Variants in SVEP1 observed in about 807,000 individuals in gnomAD.
SVEP1 encodes the protein sushi, von Willebrand factor type A, EGF and pentraxin domain-containing protein 1.
Under a neutral mutation model 367.3 loss-of-function variants are expected in SVEP1, and 164 were observed. The observed-to-expected ratio is 0.45, with a 90% CI of 0.39 to 0.51. The LOEUF (loss-of-function observed/expected upper bound fraction) is 0.51, where lower values mean the gene tolerates loss of function less well. Among genes scored for constraint, SVEP1 ranks in the 20% least tolerant of loss-of-function variants. SVEP1 has a pLI of 0.00. For missense variants in SVEP1, 4,117 were observed against 4,425.3 expected (o/e 0.93, Z 1.98); for synonymous variants, 1,666 against 1,611.6 (o/e 1.03, Z -0.81).
At chr9:110,504,236 T>A in intron 5 of SVEP1, among the ~76,000 whole-genome samples, 1 of 151,424 alleles carries the variant, frequency 6.6e-6, no homozygotes, top group South Asian at 2.1e-4. Flanking sequence ...TTTTTTGAAT[T>A]TTTTTATTAG....
At chr9:110,525,795 T>C (rs575919928) in intron 3 of SVEP1, among the ~76,000 whole-genome samples, 11 of 152,220 alleles carry the variant, frequency 7.2e-5, no homozygotes, top group African/African-American at 2.6e-4. Context: ...AAAAAAATTA[T>C]ACTTTAAGTT....
At chr9:110,497,255 C>G (rs1829465037) in intron 7 of SVEP1, among the ~76,000 whole-genome samples, 1 of 152,124 alleles carries the variant, frequency 6.6e-6, no homozygotes, top group Non-Finnish European at 1.5e-5. Flanking sequence ...CTTTTATTTG[C>G]CTGAATTAGT....
At chr9:110,528,037 C>G (rs1274770733) in intron 3 of SVEP1, among the ~76,000 whole-genome samples, 3 of 150,190 alleles carry the variant, frequency 2.0e-5, no homozygotes, top group Non-Finnish European at 4.4e-5. Flanking sequence ...GACATTATTT[C>G]ATTCATTTTA....
chr9:110,535,988 C>T (rs933314133), intron 3 of SVEP1, among the ~76,000 whole-genome samples: 1 of 152,042 alleles, frequency 6.6e-6, no homozygotes, highest in Non-Finnish European at 1.5e-5. Flanking sequence ...CTGGCCAGGA[C>T]TTCCAATACT....
Position 110,465,848 on chromosome 9 carries a change from T to C in SVEP1, c.3322+17A>G. 6.2e-7 allele frequency: 1 copy of C among 1,609,314 alleles called. No individual in the cohort carries two copies. The highest frequency in any genetic ancestry group is 8.5e-7 in the Non-Finnish European group (1 of 1,177,338). Reference sequence around the variant, plus strand: ...TAGTAGGTTTAAAGAAATATCAATGTCTAAGGCTTTGATAACCTCCACATG... The same window carrying C: ...TAGTAGGTTTAAAGAAATATCAATGCCTAAGGCTTTGATAACCTCCACATG... On this transcript the variant is annotated intron_variant, in intron 18 of 47. Coordinates refer to ENST00000374469, the MANE Select transcript of SVEP1 (RefSeq NM_153366.4).
At chr9:110,513,813 C>A in intron 4 of SVEP1, 135 bp downstream of exon 4, 1 of 1,048,438 alleles carries the variant, frequency 9.5e-7, no homozygotes, top group East Asian at 2.6e-5. Context: ...CAAATCATCC[C>A]ACTCCCCCAA....
chr9:110,397,820 C>T (rs1287495716), intron 40 of SVEP1, among the ~76,000 whole-genome samples: 3 of 152,008 alleles, frequency 2.0e-5, no homozygotes, highest in African/African-American at 7.3e-5. Flanking sequence ...GAACTACAAA[C>T]CACTGCTCAA....
chr9:110,485,657 G>A (rs1006188266), intron 9 of SVEP1, among the ~76,000 whole-genome samples: 2 of 152,114 alleles, frequency 1.3e-5, no homozygotes, highest in Admixed American at 1.3e-4. Context: ...TACATCTGAA[G>A]TGTTCTTATT....
At chr9:110,418,878 G>A (rs1435881948) in intron 36 of SVEP1, among the ~76,000 whole-genome samples, 1 of 119,942 alleles carries the variant, frequency 8.3e-6, no homozygotes, top group Non-Finnish European at 1.9e-5. Flanking sequence ...CTTCATAAGT[G>A]AAGGAGAAAT....
chr9:110,393,156 A>G (rs1239834182), intron 40 of SVEP1, among the ~76,000 whole-genome samples: 1 of 152,198 alleles, frequency 6.6e-6, no homozygotes, highest in African/African-American at 2.4e-5. Flanking sequence ...ACATTTGTTC[A>G]TAATTTTATA....
rs769921123 is a variant in SVEP1, at chr9:110,407,750, G to A, written c.7850C>T (p.Pro2617Leu). 6.2e-7 allele frequency: 1 copy of A among 1,613,978 alleles called. No individual in the cohort carries two copies. Among genetic ancestry groups the A allele is most frequent in the Non-Finnish European group, 8.5e-7 (1 of 1,179,888 alleles). The change falls in exon 38 of 48, where the codon CCT becomes CTT. Residue 2617 changes from proline to leucine, a missense_variant. By Grantham distance (98) the Pro-to-Leu change is moderately conservative (BLOSUM62 -3). This residue lies in a region of SVEP1 where 1,765 missense variants were observed against 1,781.1 expected (regional missense o/e 0.99). Coordinates refer to ENST00000374469, the MANE Select transcript of SVEP1 (RefSeq NM_153366.4). ...TCMPIDCGLP[P>L]HIDFGDCTKL... ...AGTACAGTCTCCAAAATCTATATGA[G>A]GAGGGAGGCCACAGTCTATTGGCAT...
At chr9:110,372,033 G>C (rs1034424263) in intron 46 of SVEP1, among the ~76,000 whole-genome samples, 2 of 152,138 alleles carry the variant, frequency 1.3e-5, no homozygotes, top group Non-Finnish European at 2.9e-5. Flanking sequence ...TGTGTTTCCT[G>C]ATCGGATGCT....
intron 40 of SVEP1, among the ~76,000 whole-genome samples, chr9:110,396,291 T>G (rs1325257248): frequency 1.3e-5 from 2 of 151,380 alleles, no homozygotes; most frequent in Non-Finnish European, 3.0e-5. Context: ...AGATGTTCTT[T>G]GAAACCAATG....
chr9:110,523,777 G>A (rs1334984342), intron 3 of SVEP1, among the ~76,000 whole-genome samples: 1 of 151,870 alleles, frequency 6.6e-6, no homozygotes, highest in Non-Finnish European at 1.5e-5. Context: ...GATAATCTAA[G>A]TTCCCACCTG....
chr9:110,424,770 G>A (rs1828227212), intron 36 of SVEP1, among the ~76,000 whole-genome samples: 2 of 152,158 alleles, frequency 1.3e-5, no homozygotes, highest in Admixed American at 1.3e-4. Context: ...CGCCTCTGAG[G>A]TTCAAGCAAG....
intron 35 of SVEP1, 76 bp downstream of exon 35, chr9:110,429,067 T>C (rs1019065017): frequency 4.0e-6 from 5 of 1,265,792 alleles, no homozygotes; most frequent in African/African-American, 3.0e-5. Context: ...AGACCATGTC[T>C]CAAAAAAATT....
At chr9:110,568,082 G>C (rs1163865878) in intron 1 of SVEP1, among the ~76,000 whole-genome samples, 2 of 152,144 alleles carry the variant, frequency 1.3e-5, no homozygotes, top group African/African-American at 2.4e-5. Flanking sequence ...GGTGCTGTTG[G>C]CTAGCTTCCT....
At chr9:110,424,594 C>G (rs987982207) in intron 36 of SVEP1, among the ~76,000 whole-genome samples, 1 of 152,130 alleles carries the variant, frequency 6.6e-6, no homozygotes, top group Non-Finnish European at 1.5e-5. Context: ...GTAATGATGA[C>G]AAGAATTTAA....
chr9:110,532,466 G>C (rs1830033079), intron 3 of SVEP1, among the ~76,000 whole-genome samples: 1 of 152,042 alleles, frequency 6.6e-6, no homozygotes, highest in Non-Finnish European at 1.5e-5. Flanking sequence ...TAGGCAAAGG[G>C]AACAAAACTG....
Sources: gnomAD v4.1 joint callset for allele counts (sites outside exome capture counted in the v4.1 genomes callset) on GRCh38, gnomAD v4.1.1 for gene constraint, gnomAD v4.1.1 regional missense constraint, MANE v1.5 for transcripts, NCBI Gene and HGNC (gene_info 2026-07-23, HGNC 2026-07-21) for gene names.